The following CPEB4 variants were observed in gnomAD, a reference collection of about 807,000 sequenced individuals.
The protein encoded by CPEB4 is cytoplasmic polyadenylation element binding protein 4, also known as cytoplasmic polyadenylation element-binding protein 4.
A neutral mutation model predicts 72.5 loss-of-function variants in CPEB4; 12 were observed. The ratio of observed to expected loss-of-function variants is 0.17; its 90% confidence interval spans 0.11 to 0.27. The LOEUF (loss-of-function observed/expected upper bound fraction) is 0.27. CPEB4 is among the 10% of genes least tolerant of loss of function. The pLI is 1.00. For missense variants in CPEB4, 614 were observed against 908.5 expected, an observed-to-expected ratio of 0.68 and a Z score of 4.17; for synonymous variants, 302 against 326.3, an observed-to-expected ratio of 0.93 and a Z score of 0.80.
At chr5:173,923,184 A>C (rs1757130807) in intron 2 of CPEB4, among the ~76,000 whole-genome samples, 1 of 152,262 alleles carries the variant, frequency 6.6e-6, no homozygotes, top group Non-Finnish European at 1.5e-5. Flanking sequence ...ATAGGTCTGT[A>C]TGCAGAAAGC....
intron 8 of CPEB4, among the ~76,000 whole-genome samples, 165 bp downstream of exon 8, chr5:173,952,103 G>A (rs10074386): frequency 0.11 from 17,379 of 152,044 alleles, 1,898 homozygotes; most frequent in East Asian, 0.52. Flanking sequence ...AGTGACCTTG[G>A]ACAAATTCCA....
chr5:173,927,859 C>T (rs536633084), intron 2 of CPEB4, among the ~76,000 whole-genome samples: 14 of 152,178 alleles, frequency 9.2e-5, no homozygotes, highest in South Asian at 8.3e-4. Flanking sequence ...ATGTTTATGA[C>T]GGCTTTATTC....
At position 173,961,566 on chromosome 5, in the gene CPEB4, AT is replaced by A. The variant is rs1462432127; in HGVS notation, c.*5434del. The A allele has an allele frequency of 6.6e-6, 1 of 151,956 alleles. No individual in the cohort carries two copies. Among genetic ancestry groups the A allele is most frequent in the Non-Finnish European group, 1.5e-5 (1 of 67,888 alleles). The allele number at this position is 151,956 out of a possible 1,614,324, so 9.4% of individuals were successfully genotyped here. A position where few individuals can be genotyped will look rare whatever the true frequency, so the allele number is the denominator to read the frequency against. On this transcript the variant is annotated 3_prime_UTR_variant, in exon 10 of 10. Coordinates refer to ENST00000265085, the MANE Select transcript of CPEB4 (RefSeq NM_030627.4). Reference sequence around the variant, plus strand: ...CTACCCAACGAGGAAAATTCTTTTTATTTTTATCTTTTGTTTTTACTGTCTA... The same window carrying A: ...CTACCCAACGAGGAAAATTCTTTTTATTTTATCTTTTGTTTTTACTGTCTA...
Position 173,949,604 on chromosome 5 carries a change from C to T in CPEB4, c.1546+7C>T. The T allele has an allele frequency of 6.4e-7, 1 of 1,573,880 alleles. No homozygotes were observed. On this transcript the variant is annotated splice_region_variant and intron_variant, in intron 6 of 9. Coordinates refer to ENST00000265085, the MANE Select transcript of CPEB4 (RefSeq NM_030627.4). ...TCCTATTTTCCTCCTAAAGGTAATT[C>T]TCAAGATTCATTATACTTATGTAAT...
At chr5:173,953,311 G>C in intron 9 of CPEB4, 39 bp downstream of exon 9, 1 of 1,399,212 alleles carries the variant, frequency 7.1e-7, no homozygotes, top group Non-Finnish European at 9.5e-7. Flanking sequence ...TCTAGAAATG[G>C]TCCTCTAAAT....
intron 4 of CPEB4, among the ~76,000 whole-genome samples, chr5:173,943,612 C>A (rs540904736): frequency 1.3e-5 from 2 of 152,110 alleles, no homozygotes; most frequent in African/African-American, 4.8e-5. Flanking sequence ...ACCTGAATAA[C>A]TTATTCTTGG....
In CPEB4 at chr5:173,889,647, A is replaced by C. The variant is rs1370151384; in HGVS notation, c.-87A>C. On this transcript the variant is annotated 5_prime_UTR_variant, in exon 1 of 10. Transcript: ENST00000265085. ...AGACATTTCAAGCAAGCAAGCAAAC[A>C]ACTTAAATTTGGGGTAGAGGAAAAA... 1.7e-6 allele frequency: 2 copies of C among 1,148,108 alleles called. No individual in the cohort carries two copies. Among genetic ancestry groups the C allele is most frequent in the Admixed American group, 4.9e-5 (2 of 40,918 alleles). The allele number at this position is 1,148,108 out of a possible 1,614,324, so 71.1% of individuals were successfully genotyped here. A position where few individuals can be genotyped will look rare whatever the true frequency, so the allele number is the denominator to read the frequency against.
intron 1 of CPEB4, among the ~76,000 whole-genome samples, chr5:173,901,072 A>G (rs1048932427): frequency 2.0e-5 from 3 of 152,194 alleles, no homozygotes; most frequent in Non-Finnish European, 4.4e-5. Context: ...TGATTCAGGA[A>G]CTGACTGACT....
intron 2 of CPEB4, among the ~76,000 whole-genome samples, chr5:173,925,659 T>G (rs1319029298): frequency 6.6e-6 from 1 of 152,160 alleles, no homozygotes; most frequent in Non-Finnish European, 1.5e-5. Context: ...GATGTCCAGG[T>G]CCCCACAGCG....
At chr5:173,905,686 G>T (rs1281690531) in intron 1 of CPEB4, among the ~76,000 whole-genome samples, 1 of 152,098 alleles carries the variant, frequency 6.6e-6, no homozygotes, top group Non-Finnish European at 1.5e-5. Flanking sequence ...TTGCCTTTTT[G>T]TGGGCAAAAG....
intron 1 of CPEB4, 110 bp downstream of exon 1, chr5:173,890,968 A>G (rs1396717694): frequency 7.8e-6 from 8 of 1,029,164 alleles, no homozygotes; most frequent in Middle Eastern, 3.0e-4. Flanking sequence ...CTTTTCTTAG[A>G]GAGAAAATGA....
At chr5:173,909,231 G>A in intron 1 of CPEB4, among the ~76,000 whole-genome samples, 1 of 152,272 alleles carries the variant, frequency 6.6e-6, no homozygotes. Flanking sequence ...CAAGTTGAGA[G>A]TAAATAAGAA....
At chr5:173,911,944 T>A (rs1482477334) in intron 2 of CPEB4, among the ~76,000 whole-genome samples, 2 of 152,158 alleles carry the variant, frequency 1.3e-5, no homozygotes, top group African/African-American at 4.8e-5. Flanking sequence ...AGAAAAACAT[T>A]TTATGTATTT....
At chr5:173,913,278 A>G (rs945869344) in intron 2 of CPEB4, among the ~76,000 whole-genome samples, 3 of 151,788 alleles carry the variant, frequency 2.0e-5, no homozygotes, top group Admixed American at 6.6e-5. Flanking sequence ...GCTCACTGCA[A>G]CCTTTGCCTC....
At position 173,900,607 on chromosome 5, in the gene CPEB4, A is replaced by G. The variant is rs1756197275; in HGVS notation, c.1125+9749A>G. On this transcript the variant is annotated intron_variant, in intron 1 of 9. Coordinates refer to ENST00000265085, the MANE Select transcript of CPEB4 (RefSeq NM_030627.4). The surrounding 1 kb of genome is among the most constrained non-coding windows in gnomAD (Gnocchi z 4.4). ...TCTTGCCCTGAATAGTTTATTAGGG[A>G]GAAGTCTTATACTGATAGTTTTGGG... is the stretch of plus-strand genomic sequence containing the variant. Among the ~76,000 whole-genome samples, 1 of 152,182 alleles carries G rather than the reference A, an allele frequency of 6.6e-6. No homozygotes were observed. Among genetic ancestry groups the G allele is most frequent in the Non-Finnish European group, 1.5e-5 (1 of 68,024 alleles).
intron 5 of CPEB4, among the ~76,000 whole-genome samples, chr5:173,948,171 A>G (rs1758095185): frequency 2.0e-5 from 3 of 152,318 alleles, no homozygotes; most frequent in African/African-American, 2.4e-5. Flanking sequence ...ATACTAACTA[A>G]TATATGTAGA....
rs1255481633 is a variant in CPEB4 at position 173,958,548 on chromosome 5, G to A, written c.*2411G>A. The A allele has an allele frequency of 6.6e-6, 1 of 152,594 alleles. No individual in the cohort carries two copies. Among genetic ancestry groups the A allele is most frequent in the African/African-American group, 2.4e-5 (1 of 41,408 alleles). 9.5% of individuals were successfully genotyped at this position (152,594 alleles called of 1,614,324 possible). Reference sequence around the variant, plus strand: ...CACTGGCAATGCTATTTTAGAGTCTGCAGAGAAGAGAAAGCATGTTGCTTA... The same window carrying A: ...CACTGGCAATGCTATTTTAGAGTCTACAGAGAAGAGAAAGCATGTTGCTTA... On this transcript the variant is annotated 3_prime_UTR_variant, in exon 10 of 10. Coordinates refer to ENST00000265085, the MANE Select transcript of CPEB4 (RefSeq NM_030627.4).
intron 2 of CPEB4, among the ~76,000 whole-genome samples, chr5:173,929,448 C>G (rs115283993): frequency 6.6e-6 from 1 of 152,110 alleles, no homozygotes; most frequent in Admixed American, 6.5e-5. Context: ...CCTGTAAACC[C>G]GGCACTTGAA....
chr5:173,956,034 A>G lies in CPEB4; in HGVS notation c.2087A>G (p.Tyr696Cys), dbSNP rs1180687589. 1.2e-6 allele frequency: 2 copies of G among 1,614,034 alleles called. No individual in the cohort carries two copies. Among genetic ancestry groups the G allele is most frequent in the Admixed American group, 3.3e-5 (2 of 59,986 alleles). Residue 696 changes from tyrosine (Y) to cysteine (C), a missense_variant, in exon 10 of 10, where the codon TAT (tyrosine) becomes TGT (cysteine). Around this residue, in one of 5 missense-constraint regions of CPEB4, gnomAD observed 101 missense variants for 243.1 expected, o/e 0.42. Transcript: ENST00000265085. Reference sequence around the variant, plus strand: ...ACCTGTCTGCAGTATTACTGTGAATATTGCTGGGCTGCTATCCATTCTCGT... The same window carrying G: ...ACCTGTCTGCAGTATTACTGTGAATGTTGCTGGGCTGCTATCCATTCTCGT... ...NVTCLQYYCE[Y>C]CWAAIHSRAG...
Sources: allele counts gnomAD v4.1 joint callset (sites outside exome capture counted in the v4.1 genomes callset), GRCh38; gene constraint gnomAD v4.1.1; regional missense constraint gnomAD v4.1.1; non-coding constraint Gnocchi (gnomAD v3.1); transcripts MANE v1.5; gene names NCBI Gene and HGNC (gene_info 2026-07-23, HGNC 2026-07-21).